TMEM117: variants seen among roughly 807,000 people sequenced by gnomAD.
The protein encoded by TMEM117 is transmembrane protein 117.
Under a neutral mutation model 52.4 loss-of-function variants are expected in TMEM117, and 27 were observed. The ratio of observed to expected loss-of-function variants is 0.51; its 90% CI spans 0.38 to 0.71. TMEM117 has a LOEUF of 0.71. Ranked by LOEUF, TMEM117 falls within the 30% of genes least tolerant of loss-of-function variation. The pLI is 0.00. For missense variants in TMEM117, 556 were observed against 630.5 expected (o/e 0.88, Z 1.26); for synonymous variants, 215 against 206.3 (o/e 1.04, Z -0.36).
At chr12:43,901,997 G>C (rs549288931) in intron 2 of TMEM117, among the ~76,000 whole-genome samples, 1 of 152,092 alleles carries the variant, frequency 6.6e-6, no homozygotes, top group Non-Finnish European at 1.5e-5. Flanking sequence ...TTATGGATTT[G>C]GGAAGACATT....
intron 5 of TMEM117, among the ~76,000 whole-genome samples, chr12:44,235,671 T>A (rs2138465045): frequency 6.6e-6 from 1 of 151,926 alleles, no homozygotes; most frequent in South Asian, 2.1e-4. Context: ...TCTTCATCCA[T>A]TAACTTGTCT....
At chr12:44,243,595 A>G (rs965054811) in intron 5 of TMEM117, among the ~76,000 whole-genome samples, 2 of 151,774 alleles carry the variant, frequency 1.3e-5, no homozygotes, top group African/African-American at 4.8e-5. Flanking sequence ...GCAAATTAAC[A>G]TATCTATTAT....
At chr12:44,054,407 A>G (rs1947019383) in intron 3 of TMEM117, among the ~76,000 whole-genome samples, 1 of 152,194 alleles carries the variant, frequency 6.6e-6, no homozygotes, top group African/African-American at 2.4e-5. Flanking sequence ...ATTATATTGC[A>G]AATCCCCCTG....
At chr12:44,345,040 C>T (rs549221014) in intron 6 of TMEM117, among the ~76,000 whole-genome samples, 1 of 151,980 alleles carries the variant, frequency 6.6e-6, no homozygotes, top group African/African-American at 2.4e-5. Context: ...TTTCAACTAT[C>T]TGGGGACTGG....
intron 2 of TMEM117, among the ~76,000 whole-genome samples, chr12:43,866,627 T>G (rs1943604962): frequency 6.6e-6 from 1 of 152,062 alleles, no homozygotes; most frequent in Admixed American, 6.6e-5. Context: ...AACAAGACAG[T>G]TATCTATAGC....
intron 6 of TMEM117, among the ~76,000 whole-genome samples, chr12:44,357,762 G>A (rs1951670851): frequency 6.6e-6 from 1 of 152,236 alleles, no homozygotes; most frequent in East Asian, 1.9e-4. Context: ...GTAGTTTGGA[G>A]ATTTCTCAAG....
chr12:44,054,902 C>T lies in TMEM117; in HGVS notation c.411-88623C>T, dbSNP rs531662836. Among the ~76,000 whole-genome samples, 5 of 152,164 alleles carry T rather than the reference C, an allele frequency of 3.3e-5. No individual in the cohort carries two copies. In the South Asian group the frequency reaches 1.0e-3, roughly 32 times the overall value. ...GCTATCCCTCCCCACCTTCCCCACC[C>T]CACGACAGGCCCCGGTGTATAGACT... On this transcript the variant is annotated intron_variant, in intron 3 of 7. Coordinates refer to ENST00000266534, the MANE Select transcript of TMEM117 (RefSeq NM_032256.3).
At chr12:44,379,516 G>A (rs563019207) in intron 7 of TMEM117, among the ~76,000 whole-genome samples, 5 of 152,202 alleles carry the variant, frequency 3.3e-5, no homozygotes, top group Admixed American at 6.5e-5. Flanking sequence ...GGTTGAAGCA[G>A]TCTGAGCTTT....
chr12:43,865,731 T>G (rs563061932), intron 2 of TMEM117, among the ~76,000 whole-genome samples: 9 of 149,010 alleles, frequency 6.0e-5, no homozygotes, highest in African/African-American at 1.8e-4. Flanking sequence ...AAAACTAATA[T>G]AGACTCATAC....
chr12:44,150,882 C>G (rs1948712047), intron 4 of TMEM117, among the ~76,000 whole-genome samples: 1 of 151,996 alleles, frequency 6.6e-6, no homozygotes, highest in African/African-American at 2.4e-5. Flanking sequence ...AAAGGTTGTA[C>G]TATAATGTAT....
chr12:43,840,742 T>C (rs1943104480), intron 1 of TMEM117, among the ~76,000 whole-genome samples: 1 of 152,190 alleles, frequency 6.6e-6, no homozygotes, highest in Non-Finnish European at 1.5e-5. Context: ...AATTTCACTA[T>C]AGTGAGCCAG....
At chr12:44,043,779 TTTGAG>T (rs1388350067) in intron 3 of TMEM117, among the ~76,000 whole-genome samples, 14 of 152,102 alleles carry the variant, frequency 9.2e-5, no homozygotes, top group African/African-American at 3.4e-4. Flanking sequence ...AAAATAACTG[TTTGAG>T]TTCTCTAGTT....
chr12:43,813,231 G>GCTTTTTTTTTTTTTTTT, the TMEM117 span, among the ~76,000 whole-genome samples: 66 of 62,664 alleles, frequency 1.1e-3, 2 homozygotes, highest in African/African-American at 3.8e-3. Flanking sequence ...GTTTTCTCTT[G>GCTTTTTTTTTTTTTTTT]TTTTTTTTTT....
chr12:43,895,058 C>T (rs1944175153), intron 2 of TMEM117, among the ~76,000 whole-genome samples: 2 of 152,150 alleles, frequency 1.3e-5, no homozygotes, highest in Non-Finnish European at 2.9e-5. Context: ...AAACTTGTGT[C>T]ATGGGGGTTT....
chr12:44,308,747 G>A (rs142446803), intron 6 of TMEM117, among the ~76,000 whole-genome samples: 1 of 151,774 alleles, frequency 6.6e-6, no homozygotes, highest in African/African-American at 2.4e-5. Context: ...AGGCTTCCCA[G>A]TAGCTGGGAC....
At chr12:43,935,129 C>T in intron 2 of TMEM117, among the ~76,000 whole-genome samples, 1 of 152,196 alleles carries the variant, frequency 6.6e-6, no homozygotes, top group Admixed American at 6.5e-5. Flanking sequence ...CCACCTCAAT[C>T]TCTGGAGTAG....
intron 6 of TMEM117, among the ~76,000 whole-genome samples, chr12:44,363,667 G>A (rs1052381961): frequency 3.3e-5 from 5 of 152,102 alleles, no homozygotes; most frequent in Admixed American, 3.3e-4. Flanking sequence ...AGCATACCTT[G>A]CAGGTATTTA....
chr12:43,884,131 C>G (rs1343033245), intron 2 of TMEM117, among the ~76,000 whole-genome samples: 2 of 135,706 alleles, frequency 1.5e-5, no homozygotes, highest in Non-Finnish European at 3.1e-5. Flanking sequence ...GTGATACCAT[C>G]TCAAAAAAAA....
At chr12:44,297,672 C>A (rs1464935817) in intron 5 of TMEM117, among the ~76,000 whole-genome samples, 1 of 152,070 alleles carries the variant, frequency 6.6e-6, no homozygotes, top group South Asian at 2.1e-4. Context: ...GAATAATAAT[C>A]AATATTTATT....
Sources: allele counts gnomAD v4.1 joint callset (sites outside exome capture counted in the v4.1 genomes callset), GRCh38; gene constraint gnomAD v4.1.1; transcripts MANE v1.5; gene names NCBI Gene and HGNC (gene_info 2026-07-23, HGNC 2026-07-21).